Variants in ADAMTS3 observed in about 807,000 individuals in gnomAD.
ADAMTS3 encodes the protein ADAM metallopeptidase with thrombospondin type 1 motif 3.
In ADAMTS3, 73 loss-of-function variants were observed where a neutral mutation model predicts 129.0. That is an observed-to-expected ratio of 0.57 (90% CI 0.47 to 0.69). The LOEUF (loss-of-function observed/expected upper bound fraction) is 0.69, where lower values mean the gene tolerates loss of function less well. Ranked by LOEUF, ADAMTS3 falls within the 30% of genes least tolerant of loss-of-function variation. The pLI, the probability that ADAMTS3 is intolerant of heterozygous loss-of-function variation, is 0.00. For missense variants in ADAMTS3, 1,457 were observed against 1,514.5 expected (o/e 0.96, Z 0.63); for synonymous variants, 477 against 510.8 (o/e 0.93, Z 0.89).
At chr4:72,322,089 T>G (rs1375373545) in intron 6 of ADAMTS3, among the ~76,000 whole-genome samples, 1 of 152,204 alleles carries the variant, frequency 6.6e-6, no homozygotes, top group Non-Finnish European at 1.5e-5. Context: ...GTTTCCTTTT[T>G]TAATATACGG....
chr4:72,397,123 G>C (rs1395224204), intron 4 of ADAMTS3, among the ~76,000 whole-genome samples: 1 of 152,074 alleles, frequency 6.6e-6, no homozygotes, highest in East Asian at 1.9e-4. Flanking sequence ...TATACTCCAA[G>C]AGTGTATTCT....
intron 3 of ADAMTS3, among the ~76,000 whole-genome samples, chr4:72,517,637 G>A (rs1293577435): frequency 6.6e-6 from 1 of 152,164 alleles, no homozygotes; most frequent in Non-Finnish European, 1.5e-5. Context: ...GGTGTTTGTA[G>A]TATTCTCTGA....
At chr4:72,394,132 A>T (rs1052795841) in intron 4 of ADAMTS3, among the ~76,000 whole-genome samples, 2 of 152,158 alleles carry the variant, frequency 1.3e-5, no homozygotes, top group African/African-American at 4.8e-5. Context: ...TGCTATAAAG[A>T]ACAGTGAAAG....
rs1237784677 is a variant in ADAMTS3 at position 72,352,847 on chromosome 4, C to A, written c.662-13154G>T. Among the ~76,000 whole-genome samples, 5 of 151,942 alleles carry A rather than the reference C, an allele frequency of 3.3e-5. No homozygotes were observed. The East Asian group carries it at 9.7e-4, about 29-fold the overall frequency. On this transcript the variant is annotated intron_variant, in intron 4 of 21. Transcript: ENST00000286657. ...GTATTGAAATGTTGGGGAAATAGAA[C>A]TTCAAAGAGGATGGAGCAAAACTAA... is the stretch of plus-strand genomic sequence containing the variant.
intron 4 of ADAMTS3, among the ~76,000 whole-genome samples, chr4:72,376,013 T>C (rs929457124): frequency 4.6e-5 from 7 of 152,158 alleles, no homozygotes; most frequent in Admixed American, 2.6e-4. Flanking sequence ...CATAAGCCAG[T>C]AGCAGTACAG....
At chr4:72,348,092 C>G (rs1720334573) in intron 4 of ADAMTS3, among the ~76,000 whole-genome samples, 2 of 151,982 alleles carry the variant, frequency 1.3e-5, no homozygotes, top group Admixed American at 1.3e-4. Flanking sequence ...GCCATTTATT[C>G]TGTGAGATAA....
chr4:72,457,263 A>G (rs1382813089), intron 3 of ADAMTS3, among the ~76,000 whole-genome samples: 1 of 151,770 alleles, frequency 6.6e-6, no homozygotes, highest in Non-Finnish European at 1.5e-5. Flanking sequence ...AACAAAAATT[A>G]AAGATAAACC....
intron 17 of ADAMTS3, among the ~76,000 whole-genome samples, chr4:72,303,543 G>A (rs1004362158): frequency 3.2e-4 from 48 of 151,806 alleles, no homozygotes; most frequent in African/African-American, 1.1e-3. Context: ...AAGAAATGCT[G>A]AAGATCTTTA....
At chr4:72,535,579 A>T (rs1213797036) in intron 3 of ADAMTS3, among the ~76,000 whole-genome samples, 2 of 152,092 alleles carry the variant, frequency 1.3e-5, no homozygotes, top group Non-Finnish European at 2.9e-5. Flanking sequence ...AACCCCAAAG[A>T]CCTACTTTGA....
At chr4:72,416,702 T>C (rs1481664) in intron 3 of ADAMTS3, among the ~76,000 whole-genome samples, 102,089 of 151,480 alleles carry the variant, frequency 0.67, 34,878 homozygotes, top group South Asian at 0.8. Context: ...GGTTAATGGA[T>C]TCACCTCTTC....
At chr4:72,470,361 T>TTATATATATATATATATATATATA (rs143241307) in intron 3 of ADAMTS3, among the ~76,000 whole-genome samples, 4 of 116,482 alleles carry the variant, frequency 3.4e-5, no homozygotes, top group African/African-American at 9.2e-5. Flanking sequence ...TATTTTAAGT[T>TTATATATATATATATATATATATA]TATATATATA....
chr4:72,334,316 T>A (rs954695577), intron 5 of ADAMTS3, among the ~76,000 whole-genome samples: 3 of 152,138 alleles, frequency 2.0e-5, no homozygotes, highest in Admixed American at 1.3e-4. Context: ...TATTTTATGT[T>A]AACCACCATA....
intron 15 of ADAMTS3, among the ~76,000 whole-genome samples, chr4:72,306,678 G>A (rs943535251): frequency 1.3e-5 from 2 of 151,802 alleles, no homozygotes; most frequent in African/African-American, 2.4e-5. Context: ...TAACCAAATC[G>A]ACAACATGGA....
rs371757568 is a variant in ADAMTS3, at chr4:72,282,091, T to A, written c.*1045A>T. The A allele has an allele frequency of 1.6e-3, 250 of 152,322 alleles. 2 individuals are homozygous for A. Among genetic ancestry groups the A allele is most frequent in the African/African-American group, 5.7e-3 (238 of 41,578 alleles). 9.4% of individuals were successfully genotyped at this position (152,322 alleles called of 1,614,324 possible). A position where few individuals can be genotyped will look rare whatever the true frequency, so the allele number is the denominator to read the frequency against. Reference sequence around the variant, plus strand: ...CTATACTCAAATATCAATTCTAGACTGATGATATTTTTCTCAGCTACCAAC... The same window carrying A: ...CTATACTCAAATATCAATTCTAGACAGATGATATTTTTCTCAGCTACCAAC... On this transcript the variant is annotated 3_prime_UTR_variant, in exon 22 of 22. Transcript: ENST00000286657.
Position 72,529,936 on chromosome 4 carries a change from T to A in ADAMTS3, c.504+18542A>T, listed in dbSNP as rs1436005569. 2.0e-3 allele frequency among the ~76,000 whole-genome samples: 116 copies of A among 57,478 alleles called. 1 individual carries two copies. Among genetic ancestry groups the A allele is most frequent in the Non-Finnish European group, 2.8e-3 (94 of 33,734 alleles). 37.7% of individuals were successfully genotyped at this position (57,478 alleles called of 152,430 possible). A position where few individuals can be genotyped will look rare whatever the true frequency, so the allele number is the denominator to read the frequency against. On this transcript the variant is annotated intron_variant, in intron 3 of 21. Transcript: ENST00000286657. Reference sequence around the variant, plus strand: ...TATATTATAAATATTATATAATATATTATATTTATATATAATATATAATAT... The same window carrying A: ...TATATTATAAATATTATATAATATAATATATTTATATATAATATATAATAT...
intron 4 of ADAMTS3, among the ~76,000 whole-genome samples, chr4:72,373,899 AAATAATAATAATAAT>A (rs58311705): frequency 0.31 from 43,211 of 140,716 alleles, 7,363 homozygotes; most frequent in Non-Finnish European, 0.39. Context: ...CCCCATCTCA[AAATAATAATAATAAT>A]AATAATAATA....
chr4:72,522,514 G>A (rs571940386), intron 3 of ADAMTS3, among the ~76,000 whole-genome samples: 2 of 152,236 alleles, frequency 1.3e-5, no homozygotes, highest in East Asian at 3.9e-4. Context: ...GAAACTCAGA[G>A]GCCAGGAATA....
At chr4:72,377,062 A>C (rs978354384) in intron 4 of ADAMTS3, among the ~76,000 whole-genome samples, 5 of 152,182 alleles carry the variant, frequency 3.3e-5, no homozygotes, top group African/African-American at 1.2e-4. Flanking sequence ...AAAATACTGA[A>C]ATACTTCCAT....
At chr4:72,354,297 A>C (rs964501887) in intron 4 of ADAMTS3, among the ~76,000 whole-genome samples, 8 of 152,016 alleles carry the variant, frequency 5.3e-5, no homozygotes, top group African/African-American at 1.9e-4. Flanking sequence ...AGCTTCAGTC[A>C]GTATAGCTGC....
Sources: allele counts gnomAD v4.1 joint callset (sites outside exome capture counted in the v4.1 genomes callset), GRCh38; gene constraint gnomAD v4.1.1; transcripts MANE v1.5; gene names NCBI Gene and HGNC (gene_info 2026-07-23, HGNC 2026-07-21).